Variants in ITPR2 observed in about 807,000 individuals in gnomAD.
ITPR2 encodes inositol 1,4,5-trisphosphate-gated calcium channel ITPR2.
Under a neutral mutation model 317.1 loss-of-function variants are expected in ITPR2, and 207 were observed. That is an observed-to-expected ratio of 0.65 (90% confidence interval 0.58 to 0.73). The LOEUF is 0.73. Ranked by LOEUF, ITPR2 falls within the 30% of genes least tolerant of loss-of-function variation. The probability of loss-of-function intolerance (pLI) is 0.00; values close to 1 mark genes in which losing one functional copy is unlikely to be tolerated. For missense variants in ITPR2, 2,613 were observed against 3,284.0 expected (o/e 0.80, Z 4.99); for synonymous variants, 1,156 against 1,149.1 (o/e 1.01, Z -0.12).
intron 37 of ITPR2, among the ~76,000 whole-genome samples, chr12:26,525,003 T>A (rs1262458743): frequency 6.6e-6 from 1 of 152,190 alleles, no homozygotes; most frequent in Admixed American, 6.5e-5. Context: ...AATTTAAAAC[T>A]AAACCTGAGA....
At chr12:26,728,413 G>C (rs1455970659) in intron 2 of ITPR2, among the ~76,000 whole-genome samples, 2 of 152,164 alleles carry the variant, frequency 1.3e-5, no homozygotes, top group Non-Finnish European at 2.9e-5. Flanking sequence ...TTCCATTTCA[G>C]GGCCTTAGTT....
intron 45 of ITPR2, among the ~76,000 whole-genome samples, chr12:26,462,916 C>A (rs774246832): frequency 6.6e-6 from 1 of 152,150 alleles, no homozygotes; most frequent in Non-Finnish European, 1.5e-5. Flanking sequence ...AAATGATCTA[C>A]CTGCCTCAGC....
intron 55 of ITPR2, among the ~76,000 whole-genome samples, chr12:26,365,083 T>C (rs1236860892): frequency 6.6e-6 from 1 of 152,238 alleles, no homozygotes; most frequent in Non-Finnish European, 1.5e-5. Flanking sequence ...GACTCATTGG[T>C]ATCACACTGG....
chr12:26,756,470 C>T (rs1052586714), intron 2 of ITPR2, among the ~76,000 whole-genome samples: 2 of 152,176 alleles, frequency 1.3e-5, no homozygotes, highest in African/African-American at 4.8e-5. Flanking sequence ...GATATTTTTA[C>T]TTATGTTGCT....
Position 26,665,964 on chromosome 12 carries a change from A to T in ITPR2, c.1497T>A (p.Thr499=), listed in dbSNP as rs748940899. ...ATTTTTGACGCTCTCGGTTTGGCTT[A>T]GTGATAACCACATCCAGAACTTCTT... is the stretch of plus-strand genomic sequence containing the variant. ...NGQEVLDVVI[T]KPNRERQKLM... is the part of the protein sequence containing the mutation. The change falls in exon 14 of 57, where the codon ACT becomes ACA. Residue 499 remains threonine, a synonymous_variant. Transcript: ENST00000381340. 1 of 1,613,944 alleles carries T rather than the reference A, an allele frequency of 6.2e-7. No homozygotes were observed. Among genetic ancestry groups the T allele is most frequent in the East Asian group, 2.2e-5 (1 of 44,868 alleles).
rs142263389 is a variant in ITPR2, at chr12:26,678,407, G to A, written c.1409+3467C>T. On this transcript the variant is annotated intron_variant, in intron 13 of 56. Transcript: ENST00000381340. ...TTCATTCCTGGGATAAGTAAAAAGG[G>A]AAGACAGAGAGAGAGAGAGAGAAAA... is the stretch of plus-strand genomic sequence containing the variant. 4.0e-3 allele frequency among the ~76,000 whole-genome samples: 538 copies of A among 133,864 alleles called. 1 individual carries two copies. Among genetic ancestry groups the A allele is most frequent in the African/African-American group, 0.014 (505 of 34,932 alleles). 87.8% of individuals were successfully genotyped at this position (133,864 alleles called of 152,430 possible).
intron 2 of ITPR2, among the ~76,000 whole-genome samples, chr12:26,772,108 T>C (rs1254376611): frequency 6.6e-6 from 1 of 151,976 alleles, no homozygotes; most frequent in Non-Finnish European, 1.5e-5. Flanking sequence ...CTCAGTATTA[T>C]ACTCGAAAGA....
chr12:26,787,660 A>G (rs1357702038), intron 2 of ITPR2, among the ~76,000 whole-genome samples: 1 of 152,222 alleles, frequency 6.6e-6, no homozygotes, highest in Non-Finnish European at 1.5e-5. Context: ...AAGGCTGCCC[A>G]GGCTCATGCC....
At chr12:26,712,440 C>T (rs1013692219) in intron 8 of ITPR2, among the ~76,000 whole-genome samples, 3 of 152,136 alleles carry the variant, frequency 2.0e-5, no homozygotes, top group Admixed American at 2.0e-4. Context: ...CTTCAAAGTC[C>T]TTGAGGTCTT....
chr12:26,435,563 C>T (rs1038789703), intron 48 of ITPR2, among the ~76,000 whole-genome samples: 7 of 152,302 alleles, frequency 4.6e-5, no homozygotes, highest in Middle Eastern at 3.4e-3. Context: ...ACAAAACTTA[C>T]TTCCCAAAAA....
intron 15 of ITPR2, 41 bp downstream of exon 15, chr12:26,663,644 T>C (rs768535401): frequency 1.1e-5 from 17 of 1,547,966 alleles, no homozygotes; most frequent in Admixed American, 2.1e-5. Flanking sequence ...TTGCCCATAC[T>C]TTACATATGA....
intron 45 of ITPR2, among the ~76,000 whole-genome samples, chr12:26,446,921 A>G (rs1941622218): frequency 6.6e-6 from 1 of 152,076 alleles, no homozygotes; most frequent in Non-Finnish European, 1.5e-5. Context: ...GAAATCTTTC[A>G]TATTCTTTGT....
chr12:26,426,473 T>A (rs1044046657), intron 49 of ITPR2, among the ~76,000 whole-genome samples: 1 of 152,152 alleles, frequency 6.6e-6, no homozygotes, highest in Non-Finnish European at 1.5e-5. Context: ...TAGAGAAACA[T>A]GGAGCTGGGA....
chr12:26,785,134 C>A (rs1482746367), intron 2 of ITPR2, among the ~76,000 whole-genome samples: 1 of 43,256 alleles, frequency 2.3e-5, no homozygotes, highest in African/African-American at 5.6e-5. Flanking sequence ...AAGTGAGGAG[C>A]GTCTCCGCCC....
At chr12:26,362,353 C>T (rs1442158609) in intron 55 of ITPR2, among the ~76,000 whole-genome samples, 2 of 152,060 alleles carry the variant, frequency 1.3e-5, no homozygotes, top group Admixed American at 1.3e-4. Context: ...CTTCTGAGAC[C>T]TAAGCACCAG....
At position 26,339,457 on chromosome 12, in the gene ITPR2, C is replaced by T; in HGVS notation, c.8046G>A (p.Gln2682=). ...TGTTTGATCCGAGGAAGCCCAGTCT[C>T]TGCTTATTCTTCCTTTGTTCTGTCA... is the stretch of plus-strand genomic sequence containing the variant. ...EQMTEQRKNK[Q]RLGFLGSNTP... Residue 2682 remains glutamine (Q), a synonymous_variant, in exon 57 of 57, where the codon CAG becomes CAA. Coordinates refer to ENST00000381340, the MANE Select transcript of ITPR2 (RefSeq NM_002223.4). 1 of 1,613,874 alleles carries T rather than the reference C, an allele frequency of 6.2e-7. No homozygotes were observed. The highest frequency in any genetic ancestry group is 8.5e-7 in the Non-Finnish European group (1 of 1,179,856).
chr12:26,672,879 T>C (rs2136941997), intron 13 of ITPR2, among the ~76,000 whole-genome samples: 1 of 151,940 alleles, frequency 6.6e-6, no homozygotes, highest in East Asian at 1.9e-4. Context: ...TCACCACCGA[T>C]CCCACAGAAA....
chr12:26,618,517 A>G (rs1203323877), intron 26 of ITPR2, among the ~76,000 whole-genome samples: 1 of 152,224 alleles, frequency 6.6e-6, no homozygotes, highest in East Asian at 1.9e-4. Flanking sequence ...TCAATCATCA[A>G]AAGTGGGAAA....
chr12:26,476,844 C>T, intron 44 of ITPR2, 68 bp downstream of exon 44: 2 of 935,744 alleles, frequency 2.1e-6, no homozygotes, highest in South Asian at 2.9e-5. Flanking sequence ...TTTTTTCTGA[C>T]ATGCATTCTC....
Sources: allele counts gnomAD v4.1 joint callset (sites outside exome capture counted in the v4.1 genomes callset), GRCh38; gene constraint gnomAD v4.1.1; transcripts MANE v1.5; gene names NCBI Gene and HGNC (gene_info 2026-07-23, HGNC 2026-07-21).